The following HCN1 variants were observed in gnomAD, a reference collection of about 807,000 sequenced individuals.
The protein encoded by HCN1 is hyperpolarization activated cyclic nucleotide gated potassium channel 1.
HCN1 carries 13 observed loss-of-function variants against 78.9 expected under a neutral mutation model. The ratio of observed to expected loss-of-function variants is 0.16; its 90% CI spans 0.11 to 0.26. The LOEUF (loss-of-function observed/expected upper bound fraction) is 0.26, where lower values mean the gene tolerates loss of function less well. Ranked by LOEUF, HCN1 falls within the 10% of genes least tolerant of loss-of-function variation. The probability of loss-of-function intolerance (pLI) is 1.00; values close to 1 mark genes in which losing one functional copy is unlikely to be tolerated. For synonymous variants in HCN1, 552 were observed against 455.5 expected, an observed-to-expected ratio of 1.21 and a Z score of -2.70; for missense variants, 810 against 1,154.3, an observed-to-expected ratio of 0.70 and a Z score of 4.32.
At chr5:45,381,040 G>T (rs1201224793) in intron 4 of HCN1, among the ~76,000 whole-genome samples, 1 of 152,040 alleles carries the variant, frequency 6.6e-6, no homozygotes, top group Admixed American at 6.6e-5. Context: ...ATATTGCAAA[G>T]CTCTTTTGAA....
At chr5:45,404,245 TATG>T (rs1414962572) in intron 3 of HCN1, among the ~76,000 whole-genome samples, 1 of 152,144 alleles carries the variant, frequency 6.6e-6, no homozygotes, top group Admixed American at 6.6e-5. Context: ...ACATTACTAA[TATG>T]ATATTATATG....
intron 2 of HCN1, among the ~76,000 whole-genome samples, chr5:45,488,377 T>A (rs930694884): frequency 3.3e-5 from 5 of 152,104 alleles, no homozygotes; most frequent in East Asian, 3.8e-4. Context: ...TAAGTACTTG[T>A]TAAAAGACTA....
chr5:45,301,982 A>G (rs965403116), intron 6 of HCN1, among the ~76,000 whole-genome samples: 14 of 152,116 alleles, frequency 9.2e-5, no homozygotes, highest in Admixed American at 3.9e-4. Context: ...ACAACAGAGT[A>G]GAAAAATGTG....
chr5:45,482,518 A>G (rs187229298), intron 2 of HCN1, among the ~76,000 whole-genome samples: 1 of 152,340 alleles, frequency 6.6e-6, no homozygotes, highest in African/African-American at 2.4e-5. Flanking sequence ...GGGGACTATC[A>G]ATAAATGTAA....
chr5:45,333,440 G>T (rs1364712593), intron 5 of HCN1, among the ~76,000 whole-genome samples: 3 of 151,670 alleles, frequency 2.0e-5, no homozygotes, highest in African/African-American at 7.3e-5. Flanking sequence ...TCTGTGGATT[G>T]TCTTTTTACT....
At chr5:45,544,057 T>C (rs1470752934) in intron 2 of HCN1, among the ~76,000 whole-genome samples, 1 of 152,064 alleles carries the variant, frequency 6.6e-6, no homozygotes, top group Non-Finnish European at 1.5e-5. Context: ...TTCCATGATT[T>C]TGAAATTGTT....
At chr5:45,295,794 C>A (rs147082918) in intron 6 of HCN1, among the ~76,000 whole-genome samples, 1 of 151,934 alleles carries the variant, frequency 6.6e-6, no homozygotes, top group African/African-American at 2.4e-5. Flanking sequence ...ATACTATGAA[C>A]TTGTCATGCT....
At chr5:45,577,041 C>T (rs1278971443) in intron 2 of HCN1, among the ~76,000 whole-genome samples, 1 of 152,136 alleles carries the variant, frequency 6.6e-6, no homozygotes, top group East Asian at 1.9e-4. Flanking sequence ...ATATTCTCTA[C>T]CTGAATGTAT....
At chr5:45,594,934 T>G (rs1744454807) in intron 2 of HCN1, among the ~76,000 whole-genome samples, 1 of 152,094 alleles carries the variant, frequency 6.6e-6, no homozygotes, top group Non-Finnish European at 1.5e-5. Flanking sequence ...AGTGTTTGAG[T>G]TAAAACATCT....
chr5:45,492,421 AT>A (rs1741905309), intron 2 of HCN1, among the ~76,000 whole-genome samples: 3 of 145,236 alleles, frequency 2.1e-5, no homozygotes, highest in Non-Finnish European at 4.5e-5. Flanking sequence ...ATATATATAT[AT>A]AAAATTTGAA....
chr5:45,333,771 T>C (rs1746395785), intron 5 of HCN1, among the ~76,000 whole-genome samples: 1 of 151,736 alleles, frequency 6.6e-6, no homozygotes. Flanking sequence ...TTTCTTGACA[T>C]CTCTGTCAAA....
intron 6 of HCN1, among the ~76,000 whole-genome samples, chr5:45,270,817 A>T (rs111393664): frequency 3.3e-5 from 5 of 152,272 alleles, no homozygotes; most frequent in African/African-American, 1.2e-4. Flanking sequence ...GAATATAGCT[A>T]TTCTCAGTAT....
chr5:45,303,732 C>T lies in HCN1; in HGVS notation c.1485G>A (p.Val495=). Residue 495 remains valine (V), a synonymous_variant, in exon 6 of 8, where the codon GTG becomes GTA. Transcript: ENST00000303230. ...TAMLSKLRFE[V]FQPGDYIIRE... ...GTATGATATAATCTCCAGGTTGAAA[C>T]ACCTCAAATCTCAACTTGCTCAGCA... is the stretch of plus-strand genomic sequence containing the variant. 1 of 1,613,678 alleles carries T rather than the reference C, an allele frequency of 6.2e-7. No homozygotes were observed. Among genetic ancestry groups the T allele is most frequent in the African/African-American group, 1.3e-5 (1 of 75,004 alleles).
At chr5:45,521,942 T>A (rs1297432785) in intron 2 of HCN1, among the ~76,000 whole-genome samples, 1 of 152,028 alleles carries the variant, frequency 6.6e-6, no homozygotes, top group Non-Finnish European at 1.5e-5. Context: ...TCAGAAGGTT[T>A]TAAGAATATT....
intron 1 of HCN1, among the ~76,000 whole-genome samples, chr5:45,685,655 T>C (rs1739790687): frequency 6.6e-6 from 1 of 151,704 alleles, no homozygotes; most frequent in Non-Finnish European, 1.5e-5. Context: ...GAGGTTGCGG[T>C]GAGCCAACAT....
chr5:45,372,117 A>G (rs1214604385), intron 4 of HCN1, among the ~76,000 whole-genome samples: 2 of 54,858 alleles, frequency 3.6e-5, no homozygotes, highest in East Asian at 7.9e-4. Context: ...TAATATAATT[A>G]TATATTATAT....
rs576628200 is a variant in HCN1 at position 45,362,184 on chromosome 5, GTATC to G, written c.1231-8942_1231-8939del. ...TGTGTGTGTGTGTGTGTGTGTGTGTGTATCTATCTATGTGTAGGGAAATGATCTG... is the reference window on the plus strand; with the variant it reads ...TGTGTGTGTGTGTGTGTGTGTGTGTGTATCTATGTGTAGGGAAATGATCTG... On this transcript the variant is annotated intron_variant, in intron 4 of 7. Transcript: ENST00000303230. 8.4e-3 allele frequency among the ~76,000 whole-genome samples: 1,254 copies of G among 149,420 alleles called. 19 individuals are homozygous for G. The highest frequency in any genetic ancestry group is 0.028 in the African/African-American group (1,122 of 40,124).
At chr5:45,434,978 G>A (rs1052253154) in intron 3 of HCN1, among the ~76,000 whole-genome samples, 3 of 151,840 alleles carry the variant, frequency 2.0e-5, no homozygotes, top group African/African-American at 7.2e-5. Context: ...AATGTCACTT[G>A]CTATATTGTC....
At chr5:45,287,449 T>C (rs1013372005) in intron 6 of HCN1, among the ~76,000 whole-genome samples, 1 of 152,056 alleles carries the variant, frequency 6.6e-6, no homozygotes, top group African/African-American at 2.4e-5. Flanking sequence ...TGATAAAGAT[T>C]ATATATTCTT....
Sources: allele counts gnomAD v4.1 joint callset (sites outside exome capture counted in the v4.1 genomes callset), GRCh38; gene constraint gnomAD v4.1.1; transcripts MANE v1.5; gene names NCBI Gene and HGNC (gene_info 2026-07-23, HGNC 2026-07-21).